Variants in SRGAP1 observed in about 807,000 individuals in gnomAD.
The protein encoded by SRGAP1 is SLIT-ROBO Rho GTPase-activating protein 1.
In SRGAP1, 43 loss-of-function variants were observed where a neutral mutation model predicts 121.9. The ratio of observed to expected loss-of-function variants is 0.35; its 90% confidence interval spans 0.28 to 0.46. The LOEUF (loss-of-function observed/expected upper bound fraction) is 0.46, where lower values mean the gene tolerates loss of function less well. Among genes scored for constraint, SRGAP1 ranks in the 20% least tolerant of loss-of-function variants. The probability of loss-of-function intolerance (pLI) is 1.00; values close to 1 mark genes in which losing one functional copy is unlikely to be tolerated. For synonymous variants in SRGAP1, 447 were observed against 485.4 expected (o/e 0.92, Z 1.04); for missense variants, 1,102 against 1,350.9 (o/e 0.82, Z 2.89).
intron 12 of SRGAP1, among the ~76,000 whole-genome samples, chr12:64,092,614 C>G (rs2036075581): frequency 6.6e-6 from 1 of 152,040 alleles, no homozygotes. Flanking sequence ...CTGCCTTAAG[C>G]CTTAAATCCA....
At position 64,142,701 on chromosome 12, in the gene SRGAP1, G is replaced by C. The variant is rs555601960; in HGVS notation, c.*29G>C. ...CCAGCCAAGCAAGGCCATAAAGGGA[G>C]GTGACTTAAAAAAGAAAATGGATTA... On this transcript the variant is annotated 3_prime_UTR_variant, in exon 22 of 22. Transcript: ENST00000355086. 7.0e-6 allele frequency: 11 copies of C among 1,571,186 alleles called. No homozygotes were observed. Among genetic ancestry groups the C allele is most frequent in the African/African-American group, 4.1e-5 (3 of 72,972 alleles).
At chr12:63,919,394 A>G (rs2136325194) in intron 1 of SRGAP1, among the ~76,000 whole-genome samples, 1 of 151,932 alleles carries the variant, frequency 6.6e-6, no homozygotes, top group South Asian at 2.1e-4. Context: ...TTTAATATAT[A>G]TTTGTATATT....
intron 15 of SRGAP1, among the ~76,000 whole-genome samples, chr12:64,104,233 G>A (rs754389233): frequency 3.9e-5 from 6 of 152,242 alleles, no homozygotes; most frequent in Non-Finnish European, 8.8e-5. Flanking sequence ...TATCTAACCC[G>A]CCTGCTGGGA....
chr12:63,966,516 A>C (rs190986762), intron 1 of SRGAP1, among the ~76,000 whole-genome samples: 30 of 152,298 alleles, frequency 2.0e-4, no homozygotes, highest in African/African-American at 5.8e-4. Context: ...TTATGACCAA[A>C]TTCACATTGG....
chr12:63,932,767 A>G (rs2031525198), intron 1 of SRGAP1, among the ~76,000 whole-genome samples: 1 of 152,208 alleles, frequency 6.6e-6, no homozygotes, highest in African/African-American at 2.4e-5. Flanking sequence ...TGAGTATACA[A>G]GAGAAAGGAG....
chr12:63,899,352 A>C lies in SRGAP1; in HGVS notation c.67+54469A>C, dbSNP rs186527797. 3.3e-3 allele frequency among the ~76,000 whole-genome samples: 509 copies of C among 152,202 alleles called. 1 individual carries two copies. Among genetic ancestry groups the C allele is most frequent in the Non-Finnish European group, 5.0e-3 (343 of 68,008 alleles). On this transcript the variant is annotated intron_variant, in intron 1 of 21. Transcript: ENST00000355086. ...ATCCTGTCTCCAAAAAAAAAAAGGAACCAGGTTTGCTACATAATAGGAATA... is the reference window on the plus strand; with the variant it reads ...ATCCTGTCTCCAAAAAAAAAAAGGACCCAGGTTTGCTACATAATAGGAATA...
chr12:63,847,300 G>A (rs1346667654), intron 1 of SRGAP1, among the ~76,000 whole-genome samples: 1 of 151,894 alleles, frequency 6.6e-6, no homozygotes, highest in Non-Finnish European at 1.5e-5. Flanking sequence ...TCCAGTCTGG[G>A]TGACAGAGTG....
intron 1 of SRGAP1, among the ~76,000 whole-genome samples, chr12:63,934,805 G>A (rs73114002): frequency 0.038 from 5,716 of 152,180 alleles, 112 homozygotes; most frequent in Non-Finnish European, 0.047. Context: ...CTTTCAGGTT[G>A]TTCTACATAT....
rs571221960 is a variant in SRGAP1, at chr12:63,877,450, C to CA, written c.67+32575dup. Among the ~76,000 whole-genome samples the CA allele has an allele frequency of 5.3e-5, 8 of 151,412 alleles. No individual in the cohort carries two copies. In the South Asian group the frequency reaches 8.3e-4, roughly 16 times the overall value. On this transcript the variant is annotated intron_variant, in intron 1 of 21. Coordinates refer to ENST00000355086, the MANE Select transcript of SRGAP1 (RefSeq NM_020762.4). ...AGGAAAATACAATTCACATTAGAAC[C>CA]AAAAAAAAGCCTGTAATTAAGATGT...
chr12:64,097,297 G>A lies in SRGAP1; in HGVS notation c.1735G>A (p.Val579Ile), dbSNP rs779089900. Residue 579 changes from valine to isoleucine, a missense_variant, in exon 15 of 22, where the codon GTT becomes ATT. This residue lies in a region of SRGAP1 where 747 missense variants were observed against 929.4 expected (regional missense o/e 0.80). Coordinates refer to ENST00000355086, the MANE Select transcript of SRGAP1 (RefSeq NM_020762.4). ...CCATGATATTAACTCAGTTGCTGGC[G>A]TTCTGAAGCTCTATTTCCGTGGGCT... ...SNHDINSVAG[V>I]LKLYFRGLEN... 4.3e-5 allele frequency: 70 copies of A among 1,611,908 alleles called. No homozygotes were observed. The highest frequency in any genetic ancestry group is 3.2e-4 in the Admixed American group (19 of 59,770).
At chr12:63,864,099 A>C (rs1249217565) in intron 1 of SRGAP1, among the ~76,000 whole-genome samples, 1 of 152,214 alleles carries the variant, frequency 6.6e-6, no homozygotes, top group Non-Finnish European at 1.5e-5. Flanking sequence ...ATGAGGAGGC[A>C]GCTTTAGGTT....
Position 64,128,073 on chromosome 12 carries a change from T to C in SRGAP1, c.2753T>C (p.Leu918Pro). Residue 918 changes from leucine (L) to proline (P), a missense_variant, in exon 21 of 22, where the codon CTG (leucine) becomes CCG (proline). Physicochemically the swap from Leu to Pro is moderately conservative, Grantham distance 98 (BLOSUM62 -3). This residue lies in a region of SRGAP1 where 315 missense variants were observed against 343.1 expected (regional missense o/e 0.92). Transcript: ENST00000355086. ...AGGCGCAGGCCTGGCCATGGCAGCC[T>C]GACCAACATCAGCCGGCACGACTCC... ...ERRRRPGHGSLTNISRHDSLK... is the reference protein window; with the variant it reads ...ERRRRPGHGSPTNISRHDSLK... The C allele has an allele frequency of 6.2e-7, 1 of 1,614,102 alleles. No homozygotes were observed. Among genetic ancestry groups the C allele is most frequent in the Non-Finnish European group, 8.5e-7 (1 of 1,180,012 alleles).
At chr12:63,898,512 GA>G (rs1239931724) in intron 1 of SRGAP1, among the ~76,000 whole-genome samples, 1 of 152,132 alleles carries the variant, frequency 6.6e-6, no homozygotes, top group Non-Finnish European at 1.5e-5. Context: ...TCCAATATGG[GA>G]ACTTTCCTTA....
chr12:64,049,619 C>T (rs781128015), intron 6 of SRGAP1, among the ~76,000 whole-genome samples: 3 of 152,140 alleles, frequency 2.0e-5, no homozygotes, highest in Admixed American at 6.5e-5. Flanking sequence ...GATGAGATTT[C>T]GGTGGGGACA....
At position 64,047,096 on chromosome 12, in the gene SRGAP1, G is replaced by C. The variant is rs142307297; in HGVS notation, c.801+3521G>C. Among the ~76,000 whole-genome samples, 372 of 152,158 alleles carry C rather than the reference G, an allele frequency of 2.4e-3. 2 individuals carry two copies. The highest frequency in any genetic ancestry group is 8.6e-3 in the African/African-American group (356 of 41,536). On this transcript the variant is annotated intron_variant, in intron 6 of 21. Coordinates refer to ENST00000355086, the MANE Select transcript of SRGAP1 (RefSeq NM_020762.4). ...TGATTTTCCATTTTTAAAAAAGTTG[G>C]ACTTTTGAAAGATCAGTCTTAAATT...
chr12:63,994,563 C>T (rs1250795465), intron 3 of SRGAP1, among the ~76,000 whole-genome samples: 1 of 152,120 alleles, frequency 6.6e-6, no homozygotes, highest in Non-Finnish European at 1.5e-5. Context: ...TCACATGGAG[C>T]GCCTTACCTT....
chr12:64,067,282 T>G (rs1310112424), intron 8 of SRGAP1, among the ~76,000 whole-genome samples: 1 of 152,194 alleles, frequency 6.6e-6, no homozygotes, highest in Admixed American at 6.5e-5. Flanking sequence ...GAGGGTTAAT[T>G]TTTAAAAATT....
chr12:63,999,661 G>A (rs2033819599), intron 3 of SRGAP1, among the ~76,000 whole-genome samples: 1 of 152,158 alleles, frequency 6.6e-6, no homozygotes, highest in Non-Finnish European at 1.5e-5. Flanking sequence ...AGGACACAGA[G>A]GCTGTGATGG....
rs1453017253 is a variant in SRGAP1 at position 64,155,380 on chromosome 12, A to C, written c.*12708A>C. 3 of 151,834 alleles carry C rather than the reference A, an allele frequency of 2.0e-5. No homozygotes were observed. The highest frequency in any genetic ancestry group is 4.4e-5 in the Non-Finnish European group (3 of 68,032). The allele number at this position is 151,834 out of a possible 1,614,324, so 9.4% of individuals were successfully genotyped here. The stretch of plus-strand genomic sequence containing the variant: ...AACATGGCGAAACCCCATCTCTACT[A>C]AAAATACAAAAAAATTAGCCGGGTG... On this transcript the variant is annotated 3_prime_UTR_variant, in exon 22 of 22. Coordinates refer to ENST00000355086, the MANE Select transcript of SRGAP1 (RefSeq NM_020762.4).
Sources: allele counts gnomAD v4.1 joint callset (sites outside exome capture counted in the v4.1 genomes callset), GRCh38; gene constraint gnomAD v4.1.1; regional missense constraint gnomAD v4.1.1; transcripts MANE v1.5; gene names NCBI Gene and HGNC (gene_info 2026-07-23, HGNC 2026-07-21).